The following ZMYND8 variants were observed in gnomAD, a reference collection of about 807,000 sequenced individuals.
ZMYND8 encodes MYND-type zinc finger-containing chromatin reader ZMYND8.
ZMYND8 carries 37 observed loss-of-function variants against 140.8 expected under a neutral mutation model. The ratio of observed to expected loss-of-function variants is 0.26; its 90% confidence interval spans 0.20 to 0.35. The LOEUF is 0.35. Among genes scored for constraint, ZMYND8 ranks in the 10% least tolerant of loss-of-function variants. The pLI is 1.00. For missense variants in ZMYND8, 1,068 were observed against 1,570.0 expected (o/e 0.68, Z 5.40); for synonymous variants, 592 against 597.1 (o/e 0.99, Z 0.12).
intron 21 of ZMYND8, among the ~76,000 whole-genome samples, chr20:47,213,059 G>A (rs1039454810): frequency 6.6e-5 from 10 of 152,270 alleles, no homozygotes; most frequent in East Asian, 3.9e-4. Flanking sequence ...CATGGGAAAC[G>A]GAGGCAGGCA....
Position 47,213,251 on chromosome 20 carries a change from G to A in ZMYND8, c.3485-526C>T, listed in dbSNP as rs145226018. Among the ~76,000 whole-genome samples, 15 of 152,262 alleles carry A rather than the reference G, an allele frequency of 9.9e-5. No homozygotes were observed. The East Asian group carries it at 2.7e-3, about 27-fold the overall frequency. On this transcript the variant is annotated intron_variant, in intron 21 of 22. Transcript: ENST00000471951. ...GCAAGTAAGCTAAATTCTCAGCTACGATGGTAGCACACCAACAAATCACCT... is the reference window on the plus strand; with the variant it reads ...GCAAGTAAGCTAAATTCTCAGCTACAATGGTAGCACACCAACAAATCACCT...
At chr20:47,212,808 A>G in intron 21 of ZMYND8, 83 bp from the exon 22 acceptor site, 1 of 1,268,216 alleles carries the variant, frequency 7.9e-7, no homozygotes, top group Admixed American at 2.4e-5. Context: ...ATTTTTGTTC[A>G]TCAACAGGCT....
intron 14 of ZMYND8, 68 bp downstream of exon 14, chr20:47,245,940 G>C: frequency 6.6e-7 from 1 of 1,519,308 alleles, no homozygotes; most frequent in African/African-American, 1.4e-5. Flanking sequence ...CATAACTTTT[G>C]ATAGTAAGTG....
intron 3 of ZMYND8, among the ~76,000 whole-genome samples, chr20:47,301,090 T>C (rs868246485): frequency 1.2e-4 from 19 of 152,192 alleles, no homozygotes; most frequent in African/African-American, 4.3e-4. Flanking sequence ...CCAATGTTTC[T>C]AAGCCTCTCT....
At chr20:47,279,048 C>G (rs1486440230) in intron 10 of ZMYND8, among the ~76,000 whole-genome samples, 2 of 152,072 alleles carry the variant, frequency 1.3e-5, no homozygotes, top group African/African-American at 4.8e-5. Context: ...ACCTCGCCCC[C>G]CTGACCTGCT....
At chr20:47,222,902 AT>A (rs1403556757) in intron 19 of ZMYND8, among the ~76,000 whole-genome samples, 2 of 152,246 alleles carry the variant, frequency 1.3e-5, no homozygotes, top group Non-Finnish European at 1.5e-5. Flanking sequence ...ATCTATGTCC[AT>A]CCATTTACAT....
chr20:47,337,159 C>T (rs940750863), intron 2 of ZMYND8, among the ~76,000 whole-genome samples: 4 of 152,112 alleles, frequency 2.6e-5, no homozygotes, highest in African/African-American at 9.7e-5. Context: ...CGAGACCAGC[C>T]TGGCCAACAC....
Position 47,262,377 on chromosome 20 carries a change from G to C in ZMYND8, c.1532C>G (p.Pro511Arg). 6.2e-7 allele frequency: 1 copy of C among 1,614,050 alleles called. No individual in the cohort carries two copies. Among genetic ancestry groups the C allele is most frequent in the Non-Finnish European group, 8.5e-7 (1 of 1,180,026 alleles). Residue 511 changes from proline (P) to arginine (R), a missense_variant, in exon 12 of 23, where the codon CCA becomes CGA. Transcript: ENST00000471951. Reference sequence around the variant, plus strand: ...TGACAGTTGAGGAGAGAAGGGCTTTGGGCTGCCGGATAAACTCCCTGCTTG... The same window carrying C: ...TGACAGTTGAGGAGAGAAGGGCTTTCGGCTGCCGGATAAACTCCCTGCTTG... ...TGQAGSLSGS[P>R]KPFSPQLSAP... is the part of the protein sequence containing the mutation.
chr20:47,282,062 A>G (rs1435176247), intron 10 of ZMYND8, 40 bp downstream of exon 10: 6 of 1,536,886 alleles, frequency 3.9e-6, no homozygotes, highest in Non-Finnish European at 5.4e-6. Flanking sequence ...ATCAAAGTTC[A>G]GTGAAAGCTA....
At chr20:47,231,721 G>A (rs1352769623) in intron 16 of ZMYND8, among the ~76,000 whole-genome samples, 2 of 152,216 alleles carry the variant, frequency 1.3e-5, no homozygotes, top group African/African-American at 2.4e-5. Flanking sequence ...CGCTTTCCAC[G>A]GCTTTGCAGC....
At chr20:47,327,849 C>T (rs1380312589) in intron 2 of ZMYND8, among the ~76,000 whole-genome samples, 1 of 152,166 alleles carries the variant, frequency 6.6e-6, no homozygotes, top group Non-Finnish European at 1.5e-5. Context: ...AGGTCTTGCT[C>T]CGTCGCCCAG....
At chr20:47,253,731 T>G (rs187359431) in intron 12 of ZMYND8, among the ~76,000 whole-genome samples, 16 of 152,316 alleles carry the variant, frequency 1.1e-4, no homozygotes, top group African/African-American at 3.1e-4. Flanking sequence ...GACCTAGACC[T>G]CACCTGAATA....
chr20:47,211,246 C>T (rs1193839936), intron 22 of ZMYND8, among the ~76,000 whole-genome samples: 1 of 152,164 alleles, frequency 6.6e-6, no homozygotes, highest in African/African-American at 2.4e-5. Context: ...CCAAGCACCC[C>T]ATGCACTTCT....
rs116758681 is a variant in ZMYND8 at position 47,330,002 on chromosome 20, A to G, written c.85+17854T>C. On this transcript the variant is annotated intron_variant, in intron 2 of 22. Transcript: ENST00000471951. ...GCTGAATACTTTCGTGGGCAATTTA[A>G]GGTACTTTGAAGAGTGATTTTTGAC... 4.5e-3 allele frequency among the ~76,000 whole-genome samples: 686 copies of G among 152,328 alleles called. 5 individuals are homozygous for G. Among genetic ancestry groups the G allele is most frequent in the African/African-American group, 0.016 (658 of 41,562 alleles).
intron 14 of ZMYND8, 60 bp downstream of exon 14, chr20:47,245,948 G>T (rs1329260334): frequency 6.6e-6 from 10 of 1,525,950 alleles, no homozygotes; most frequent in African/African-American, 1.4e-5. Flanking sequence ...TTGATAGTAA[G>T]TGTACGAGGT....
Position 47,276,371 on chromosome 20 carries a change from T to G in ZMYND8, c.1423A>C (p.Thr475Pro). Reference protein sequence around the residue: ...DVEQDAEKKATSSHFSASEES... With the variant: ...DVEQDAEKKAPSSHFSASEES... ...TCGCTCGCACTGAAGTGGCTCGACG[T>G]GGCCTTCTTCTCAGCATCCTGCTCC... Residue 475 changes from threonine (T) to proline (P), a missense_variant, in exon 11 of 23, where the codon ACG becomes CCG. Around this residue, in one of 10 missense-constraint regions of ZMYND8, gnomAD observed 173 missense variants for 223.3 expected, o/e 0.77. Coordinates refer to ENST00000471951, the MANE Select transcript of ZMYND8 (RefSeq NM_001281775.3). 1 of 1,603,930 alleles carries G rather than the reference T, an allele frequency of 6.2e-7. No individual in the cohort carries two copies. Among genetic ancestry groups the G allele is most frequent in the Non-Finnish European group, 8.5e-7 (1 of 1,171,870 alleles).
intron 11 of ZMYND8, among the ~76,000 whole-genome samples, chr20:47,273,143 C>G (rs778277713): frequency 6.6e-6 from 1 of 152,172 alleles, no homozygotes; most frequent in Non-Finnish European, 1.5e-5. Context: ...GGTTGGCAAA[C>G]TATAGCTCAA....
intron 21 of ZMYND8, among the ~76,000 whole-genome samples, chr20:47,219,045 C>T (rs900067340): frequency 4.8e-5 from 6 of 125,760 alleles, no homozygotes; most frequent in African/African-American, 2.7e-5. Context: ...GGCAAAACCC[C>T]GTTTCTACAA....
intron 16 of ZMYND8, among the ~76,000 whole-genome samples, chr20:47,235,517 C>T (rs769309297): frequency 1.3e-5 from 2 of 152,068 alleles, no homozygotes; most frequent in Non-Finnish European, 1.5e-5. Flanking sequence ...CCAGCCTGGT[C>T]GACATGGCGA....
Sources: gnomAD v4.1 joint callset for allele counts (sites outside exome capture counted in the v4.1 genomes callset) on GRCh38, gnomAD v4.1.1 for gene constraint, gnomAD v4.1.1 regional missense constraint, MANE v1.5 for transcripts, NCBI Gene and HGNC (gene_info 2026-07-23, HGNC 2026-07-21) for gene names.